Variants in SAMD3 observed in about 807,000 individuals in gnomAD.
SAMD3 encodes sterile alpha motif domain containing 3, also known as sterile alpha motif domain-containing protein 3.
In SAMD3, 63 loss-of-function variants were observed where a neutral mutation model predicts 58.5. That is an observed-to-expected ratio of 1.08 (90% CI 0.88 to 1.33). The LOEUF is 1.33. SAMD3 is among the 40% of genes most tolerant of loss of function. SAMD3 has a pLI of 0.00. For synonymous variants in SAMD3, 220 were observed against 210.3 expected, an observed-to-expected ratio of 1.05 and a Z score of -0.40; for missense variants, 604 against 608.4, an observed-to-expected ratio of 0.99 and a Z score of 0.08.
At chr6:130,341,646 T>C (rs1303348310) in intron 1 of SAMD3, among the ~76,000 whole-genome samples, 1 of 152,198 alleles carries the variant, frequency 6.6e-6, no homozygotes, top group Non-Finnish European at 1.5e-5. Context: ...TCTGTCAGTA[T>C]GTAAGGATGT....
At chr6:130,195,461 A>C (rs903584804) in intron 5 of SAMD3, among the ~76,000 whole-genome samples, 2 of 152,092 alleles carry the variant, frequency 1.3e-5, no homozygotes. Context: ...CAAGCCTTAC[A>C]AGTTAGTTCA....
chr6:130,330,228 T>G (rs1776886421), intron 1 of SAMD3, among the ~76,000 whole-genome samples: 1 of 152,114 alleles, frequency 6.6e-6, no homozygotes, highest in South Asian at 2.1e-4. Flanking sequence ...TTTTCTAAAT[T>G]TGAGGTGGAT....
chr6:130,144,432 A>T lies in SAMD3; in HGVS notation c.*88T>A. On this transcript the variant is annotated 3_prime_UTR_variant, in exon 12 of 12. Coordinates refer to ENST00000439090, the MANE Select transcript of SAMD3 (RefSeq NM_001017373.4). Reference sequence around the variant, plus strand: ...AATACAAGATGATTTTCTCATACCTACCTCTACCACAACCCTAAATCAAAA... The same window carrying T: ...AATACAAGATGATTTTCTCATACCTTCCTCTACCACAACCCTAAATCAAAA... The T allele has an allele frequency of 1.6e-6, 2 of 1,261,912 alleles. No homozygotes were observed. Among genetic ancestry groups the T allele is most frequent in the Admixed American group, 4.6e-5 (2 of 43,758 alleles). The allele number at this position is 1,261,912 out of a possible 1,614,324, so 78.2% of individuals were successfully genotyped here.
downstream of SAMD3, chr6:130,143,095 T>G (rs1193619712): frequency 6.6e-6 from 1 of 152,228 alleles, no homozygotes; most frequent in Non-Finnish European, 1.5e-5. Flanking sequence ...TCTCACTGGC[T>G]TTAGCGTTTT....
At chr6:130,322,761 A>G (rs530964679) in intron 1 of SAMD3, among the ~76,000 whole-genome samples, 102 of 152,378 alleles carry the variant, frequency 6.7e-4, no homozygotes, top group African/African-American at 2.4e-3. Context: ...TGATTTGAGT[A>G]TTCCAAGCAA....
intron 7 of SAMD3, among the ~76,000 whole-genome samples, chr6:130,182,076 A>C (rs9372958): frequency 0.55 from 81,292 of 147,608 alleles, 22,445 homozygotes; most frequent in Non-Finnish European, 0.58. Flanking sequence ...AAAAAAAAAA[A>C]AAAAAAAAAA....
intron 2 of SAMD3, among the ~76,000 whole-genome samples, chr6:130,241,796 T>C (rs943414031): frequency 6.6e-5 from 10 of 152,036 alleles, no homozygotes; most frequent in Non-Finnish European, 1.3e-4. Flanking sequence ...CTATTCTACA[T>C]TTTATTTTCT....
At chr6:130,185,047 T>G (rs1792805185) in intron 5 of SAMD3, among the ~76,000 whole-genome samples, 1 of 152,234 alleles carries the variant, frequency 6.6e-6, no homozygotes, top group South Asian at 2.1e-4. Flanking sequence ...CTAATTAATT[T>G]ATTCTGCTGT....
chr6:130,326,886 TGA>T (rs1339085306), intron 1 of SAMD3, among the ~76,000 whole-genome samples: 2 of 152,188 alleles, frequency 1.3e-5, no homozygotes, highest in African/African-American at 2.4e-5. Flanking sequence ...TGGATATAGA[TGA>T]GATACTGCAG....
chr6:130,357,749 T>C (rs1268855651), intron 1 of SAMD3, among the ~76,000 whole-genome samples: 2 of 152,362 alleles, frequency 1.3e-5, no homozygotes, highest in East Asian at 3.9e-4. Flanking sequence ...AGTAGGTAAT[T>C]GATCAACCTG....
chr6:130,197,349 C>T (rs1794227160), intron 5 of SAMD3, among the ~76,000 whole-genome samples: 7 of 152,240 alleles, frequency 4.6e-5, no homozygotes, highest in Admixed American at 3.9e-4. Flanking sequence ...CCGGTTTACA[C>T]CGTTTCTCCA....
At chr6:130,159,825 T>C (rs868338485) in intron 8 of SAMD3, 1 of 151,742 alleles carries the variant, frequency 6.6e-6, no homozygotes, top group African/African-American at 2.4e-5. Flanking sequence ...CATAGAAAAA[T>C]AAGCAAAAGA....
At chr6:130,357,952 A>G (rs1352741626) in intron 1 of SAMD3, among the ~76,000 whole-genome samples, 2 of 152,260 alleles carry the variant, frequency 1.3e-5, no homozygotes, top group African/African-American at 4.8e-5. Flanking sequence ...CAAGTACTTG[A>G]GAAATGAAGA....
rs1788523449 is a variant in SAMD3, at chr6:130,145,328, C to T, written c.1278+12G>A. The T allele has an allele frequency of 2.7e-6, 4 of 1,461,720 alleles. No individual in the cohort carries two copies. Among genetic ancestry groups the T allele is most frequent in the Non-Finnish European group, 3.7e-6 (4 of 1,073,012 alleles). 90.5% of individuals were successfully genotyped at this position (1,461,720 alleles called of 1,614,324 possible). A position where few individuals can be genotyped will look rare whatever the true frequency, so the allele number is the denominator to read the frequency against. On this transcript the variant is annotated intron_variant, in intron 11 of 11. Coordinates refer to ENST00000439090, the MANE Select transcript of SAMD3 (RefSeq NM_001017373.4). ...AAAATGTCAAACTAGTGGCCATTCA[C>T]ATACTACATACCTGTTCATTCATGA...
intron 2 of SAMD3, among the ~76,000 whole-genome samples, chr6:130,260,148 A>G (rs1045434464): frequency 2.0e-5 from 3 of 152,170 alleles, no homozygotes; most frequent in African/African-American, 7.2e-5. Flanking sequence ...AGACCCTCTC[A>G]TATTGTTTTA....
chr6:130,342,320 G>A (rs1180737007), intron 1 of SAMD3, among the ~76,000 whole-genome samples: 1 of 152,138 alleles, frequency 6.6e-6, no homozygotes, highest in Non-Finnish European at 1.5e-5. Flanking sequence ...ATAATGAGCT[G>A]TTTTTTGCTA....
intron 2 of SAMD3, among the ~76,000 whole-genome samples, chr6:130,229,148 A>C (rs962960877): frequency 6.6e-6 from 1 of 152,234 alleles, no homozygotes; most frequent in African/African-American, 2.4e-5. Context: ...GAGTTTGCAT[A>C]AACGGGAGCC....
chr6:130,292,411 C>T (rs1176363277), intron 2 of SAMD3, among the ~76,000 whole-genome samples: 3 of 151,858 alleles, frequency 2.0e-5, no homozygotes, highest in African/African-American at 4.8e-5. Context: ...GTCAGCCTCC[C>T]AAGTAGCTGG....
chr6:130,324,688 A>C (rs1776696990), intron 1 of SAMD3, among the ~76,000 whole-genome samples: 1 of 152,214 alleles, frequency 6.6e-6, no homozygotes, highest in African/African-American at 2.4e-5. Flanking sequence ...AAATACCTCA[A>C]GTGAATTCCT....
Sources: allele counts gnomAD v4.1 joint callset (sites outside exome capture counted in the v4.1 genomes callset), GRCh38; gene constraint gnomAD v4.1.1; transcripts MANE v1.5; gene names NCBI Gene and HGNC (gene_info 2026-07-23, HGNC 2026-07-21).